Variants in GUCY1A2 observed in about 807,000 individuals in gnomAD.
GUCY1A2 encodes the protein guanylate cyclase 1 soluble subunit alpha 2.
GUCY1A2 carries 27 observed loss-of-function variants against 63.5 expected under a neutral mutation model. The ratio of observed to expected loss-of-function variants is 0.43; its 90% CI spans 0.31 to 0.59. The LOEUF (loss-of-function observed/expected upper bound fraction) is 0.59, where lower values mean the gene tolerates loss of function less well. Among genes scored for constraint, GUCY1A2 ranks in the 20% least tolerant of loss-of-function variants. The pLI, the probability that GUCY1A2 is intolerant of heterozygous loss-of-function variation, is 0.11. For missense variants in GUCY1A2, 768 were observed against 913.3 expected (o/e 0.84, Z 2.05); for synonymous variants, 364 against 343.5 (o/e 1.06, Z -0.66).
At chr11:107,013,574 G>A (rs1861777492) in intron 1 of GUCY1A2, among the ~76,000 whole-genome samples, 2 of 152,136 alleles carry the variant, frequency 1.3e-5, no homozygotes. Flanking sequence ...TGGAGACAGA[G>A]TCTCGCTGTC....
chr11:106,904,153 A>C (rs1860172550), intron 4 of GUCY1A2, among the ~76,000 whole-genome samples: 1 of 152,194 alleles, frequency 6.6e-6, no homozygotes, highest in South Asian at 2.1e-4. Context: ...TTATAAAACA[A>C]TATATAGATG....
intron 6 of GUCY1A2, among the ~76,000 whole-genome samples, chr11:106,723,177 C>T (rs1250895287): frequency 6.6e-6 from 1 of 152,194 alleles, no homozygotes; most frequent in Non-Finnish European, 1.5e-5. Context: ...ACCACAGAGG[C>T]CCAGCTTAGC....
intron 4 of GUCY1A2, among the ~76,000 whole-genome samples, chr11:106,922,774 T>C (rs1591328834): frequency 6.7e-6 from 1 of 149,198 alleles, no homozygotes; most frequent in African/African-American, 2.5e-5. Context: ...GAGTAGTTAA[T>C]GATAAGAGAT....
chr11:106,861,119 G>T (rs1859505839), intron 4 of GUCY1A2, among the ~76,000 whole-genome samples: 1 of 151,838 alleles, frequency 6.6e-6, no homozygotes, highest in East Asian at 1.9e-4. Context: ...AGATATAAAT[G>T]GTCTCCACAG....
At chr11:106,766,645 CG>C (rs906270181) in intron 6 of GUCY1A2, among the ~76,000 whole-genome samples, 1 of 151,788 alleles carries the variant, frequency 6.6e-6, no homozygotes, top group African/African-American at 2.4e-5. Flanking sequence ...AGGTCAAAAA[CG>C]TAAAAGCTAA....
intron 1 of GUCY1A2, 75 bp downstream of exon 1, chr11:107,017,678 G>A (rs903809027): frequency 6.7e-6 from 6 of 894,628 alleles, no homozygotes; most frequent in Middle Eastern, 4.1e-4. Context: ...CTCGCGCCCC[G>A]GCTCGCCCAG....
rs1453005823 is a variant in GUCY1A2, at chr11:106,677,206, AG to A, written c.*10342del. ...GGAAAGGAAGGAAAGGAAGGAAGGA[AG>A]GAAGATAGGAAGATAATTCAATGGA... On this transcript the variant is annotated 3_prime_UTR_variant, in exon 8 of 8. Transcript: ENST00000526355. 1.8e-5 allele frequency: 4 copies of A among 221,200 alleles called. No homozygotes were observed. Among genetic ancestry groups the A allele is most frequent in the Non-Finnish European group, 3.6e-5 (4 of 109,898 alleles). 13.7% of individuals were successfully genotyped at this position (221,200 alleles called of 1,614,324 possible).
intron 2 of GUCY1A2, among the ~76,000 whole-genome samples, chr11:106,983,588 A>G (rs914507803): frequency 6.6e-6 from 1 of 152,250 alleles, no homozygotes; most frequent in African/African-American, 2.4e-5. Context: ...TTAAGGGCAG[A>G]GTTTTCAAGG....
At position 106,940,027 on chromosome 11, in the gene GUCY1A2, A is replaced by G; in HGVS notation, c.639T>C (p.Ser213=). The change falls in exon 4 of 8, where the codon TCT becomes TCC. Residue 213 remains serine, a synonymous_variant. Transcript: ENST00000526355. ...FDALLEHIRT[S]FGKQATLESP... is the part of the protein sequence containing the mutation. ...ACTCCAGAGTGGCCTGTTTTCCAAA[A>G]GAAGTTCTAATGTGTTCCAACAAAG... 1 of 1,614,118 alleles carries G rather than the reference A, an allele frequency of 6.2e-7. No individual in the cohort carries two copies. The highest frequency in any genetic ancestry group is 8.5e-7 in the Non-Finnish European group (1 of 1,179,986).
chr11:106,843,103 C>A (rs1450663172), intron 4 of GUCY1A2, among the ~76,000 whole-genome samples: 2 of 151,888 alleles, frequency 1.3e-5, no homozygotes, highest in South Asian at 2.1e-4. Context: ...TTCTTCCACA[C>A]ATGTAAAATT....
At chr11:106,937,331 T>C (rs1232672865) in intron 4 of GUCY1A2, among the ~76,000 whole-genome samples, 1 of 152,196 alleles carries the variant, frequency 6.6e-6, no homozygotes, top group Non-Finnish European at 1.5e-5. Context: ...CATCATTTCA[T>C]TATGTCTATT....
intron 5 of GUCY1A2, among the ~76,000 whole-genome samples, chr11:106,785,693 C>G (rs1864543506): frequency 6.6e-6 from 1 of 151,948 alleles, no homozygotes; most frequent in East Asian, 1.9e-4. Context: ...AAGAATCACC[C>G]AGAAGGTATT....
intron 5 of GUCY1A2, among the ~76,000 whole-genome samples, chr11:106,800,839 T>A (rs899232847): frequency 5.9e-5 from 9 of 151,896 alleles, no homozygotes; most frequent in Non-Finnish European, 1.3e-4. Context: ...TATACATATG[T>A]AACAAACCTG....
intron 4 of GUCY1A2, among the ~76,000 whole-genome samples, chr11:106,871,223 G>A (rs1189887800): frequency 6.6e-6 from 1 of 152,056 alleles, no homozygotes. Flanking sequence ...CCAAATTACT[G>A]CCAGAAGAAT....
At chr11:106,789,736 G>A (rs560107583) in intron 5 of GUCY1A2, among the ~76,000 whole-genome samples, 2 of 152,162 alleles carry the variant, frequency 1.3e-5, no homozygotes, top group Admixed American at 6.5e-5. Context: ...GCCCAGTAAT[G>A]CTGTGGTTTT....
At chr11:106,791,343 A>AG (rs1300515286) in intron 5 of GUCY1A2, among the ~76,000 whole-genome samples, 2 of 152,186 alleles carry the variant, frequency 1.3e-5, no homozygotes, top group African/African-American at 4.8e-5. Context: ...CAGCTACTAC[A>AG]GGGGGAATTG....
At chr11:106,994,672 C>CA (rs1861512650) in intron 1 of GUCY1A2, among the ~76,000 whole-genome samples, 1 of 152,176 alleles carries the variant, frequency 6.6e-6, no homozygotes, top group Non-Finnish European at 1.5e-5. Context: ...TGTTTTGCCT[C>CA]AGCTACAGAA....
At chr11:106,903,002 T>C (rs1860155661) in intron 4 of GUCY1A2, among the ~76,000 whole-genome samples, 1 of 152,118 alleles carries the variant, frequency 6.6e-6, no homozygotes, top group Admixed American at 6.6e-5. Context: ...AATCTATGTC[T>C]TGCAAAACTT....
At chr11:106,771,274 G>A (rs1864250328) in intron 6 of GUCY1A2, among the ~76,000 whole-genome samples, 1 of 152,074 alleles carries the variant, frequency 6.6e-6, no homozygotes, top group African/African-American at 2.4e-5. Flanking sequence ...TCAAAGTGTG[G>A]TTAAACTATT....
Sources: allele counts gnomAD v4.1 joint callset (sites outside exome capture counted in the v4.1 genomes callset), GRCh38; gene constraint gnomAD v4.1.1; transcripts MANE v1.5; gene names NCBI Gene and HGNC (gene_info 2026-07-23, HGNC 2026-07-21).